Variants in ZNF883 observed in about 807,000 individuals in gnomAD.
ZNF883 encodes zinc finger protein 883.
intron 2 of ZNF883, among the ~76,000 whole-genome samples, chr9:113,006,990 TCAAGAC>T (rs1382273923): frequency 1.3e-5 from 2 of 152,040 alleles, no homozygotes; most frequent in Non-Finnish European, 2.9e-5. Context: ...GGTCAGGAGT[TCAAGAC>T]CAGCCTGTGC....
intron 2 of ZNF883, among the ~76,000 whole-genome samples, chr9:113,004,977 AAAT>A (rs746144690): frequency 2.0e-5 from 3 of 152,060 alleles, no homozygotes; most frequent in Non-Finnish European, 4.4e-5. Context: ...AAAATTTAAT[AAAT>A]AATCTTAGGA....
intron 2 of ZNF883, among the ~76,000 whole-genome samples, chr9:113,006,167 A>G (rs1371298151): frequency 6.6e-6 from 1 of 151,880 alleles, no homozygotes; most frequent in Admixed American, 6.6e-5. Context: ...TTCCCTGCTC[A>G]TTATACACTA....
downstream of ZNF883, chr9:112,997,069 G>A (rs1828365724): frequency 2.0e-6 from 3 of 1,479,736 alleles, no homozygotes; most frequent in South Asian, 4.2e-5. Context: ...AACTGTGAGT[G>A]CTCAGGTGTA....
downstream of ZNF883, among the ~76,000 whole-genome samples, chr9:112,993,404 A>T (rs1263326659): frequency 6.6e-6 from 1 of 152,214 alleles, no homozygotes; most frequent in Non-Finnish European, 1.5e-5. Flanking sequence ...GAAAATAGCA[A>T]AGATGGCTGC....
intron 2 of ZNF883, among the ~76,000 whole-genome samples, chr9:113,008,098 TA>T (rs1828496448): frequency 6.6e-6 from 1 of 152,210 alleles, no homozygotes; most frequent in African/African-American, 2.4e-5. Flanking sequence ...ATTAAAATTT[TA>T]ATGATTATCA....
At chr9:113,011,762 T>C (rs1432338852) in intron 1 of ZNF883, among the ~76,000 whole-genome samples, 1 of 152,144 alleles carries the variant, frequency 6.6e-6, no homozygotes, top group Non-Finnish European at 1.5e-5. Context: ...TTCCCAGGTC[T>C]ACCTACCACC....
chr9:113,004,321 A>G (rs547611777), intron 2 of ZNF883, among the ~76,000 whole-genome samples: 92 of 152,336 alleles, frequency 6.0e-4, no homozygotes, highest in Middle Eastern at 3.4e-3. Context: ...AAGTTACCCA[A>G]TTTGTGGCAC....
chr9:113,006,898 T>TA (rs202002384), intron 2 of ZNF883, among the ~76,000 whole-genome samples: 28,142 of 151,026 alleles, frequency 0.19, 3,300 homozygotes, highest in East Asian at 0.37. Context: ...GGTAATTTTT[T>TA]AAAAAAAAAA....
downstream of ZNF883, among the ~76,000 whole-genome samples, chr9:112,992,602 T>C (rs1828313168): frequency 6.6e-6 from 1 of 152,224 alleles, no homozygotes; most frequent in South Asian, 2.1e-4. Flanking sequence ...TTCTCTGGAC[T>C]TCCTGAATAA....
At chr9:113,011,613 G>T (rs1828540112) in intron 1 of ZNF883, among the ~76,000 whole-genome samples, 1 of 152,210 alleles carries the variant, frequency 6.6e-6, no homozygotes, top group Non-Finnish European at 1.5e-5. Flanking sequence ...TTATAGAAGA[G>T]ACTTCAGAAA....
chr9:112,999,890 A>C (rs1386250456), upstream of ZNF883: 4 of 152,124 alleles, frequency 2.6e-5, no homozygotes, highest in African/African-American at 9.7e-5. Flanking sequence ...TCCTTCCCAG[A>C]GGTTAGTTGG....
chr9:112,989,232 A>G (rs1039625741), intron 1 of ZNF883, among the ~76,000 whole-genome samples: 1 of 151,968 alleles, frequency 6.6e-6, no homozygotes, highest in Non-Finnish European at 1.5e-5. Context: ...TATTGCCTAT[A>G]TTTTCTTCTA....
chr9:113,008,858 T>A (rs1294749657), intron 2 of ZNF883, among the ~76,000 whole-genome samples: 1 of 151,970 alleles, frequency 6.6e-6, no homozygotes, highest in Non-Finnish European at 1.5e-5. Flanking sequence ...ATGGGAATAC[T>A]TCCTGGAAGG....
At chr9:112,996,974 T>A, downstream of ZNF883, 5 of 676,824 alleles carry the variant, frequency 7.4e-6, no homozygotes, top group Non-Finnish European at 1.1e-5. Flanking sequence ...ATAAGCATAG[T>A]CCTTCTTCTC....
chr9:113,004,941 CA>C (rs1371758756), intron 2 of ZNF883, among the ~76,000 whole-genome samples: 1 of 151,732 alleles, frequency 6.6e-6, no homozygotes, highest in Non-Finnish European at 1.5e-5. Flanking sequence ...ATAAAGGTAG[CA>C]TTTCAAATTA....
chr9:113,010,390 G>T (rs952935471), intron 2 of ZNF883, among the ~76,000 whole-genome samples: 1 of 152,190 alleles, frequency 6.6e-6, no homozygotes, highest in African/African-American at 2.4e-5. Context: ...TCTCGTAAGT[G>T]AGCATCTTGC....
chr9:113,007,655 C>A (rs1488179558), intron 2 of ZNF883, among the ~76,000 whole-genome samples: 2 of 152,126 alleles, frequency 1.3e-5, no homozygotes, highest in Non-Finnish European at 1.5e-5. Flanking sequence ...AAAATAAAAA[C>A]GAGTGCCAGA....
At chr9:113,004,402 ATGTT>A (rs1356393400) in intron 2 of ZNF883, among the ~76,000 whole-genome samples, 2 of 152,182 alleles carry the variant, frequency 1.3e-5, no homozygotes, top group African/African-American at 2.4e-5. Context: ...TAAGAACTAA[ATGTT>A]TGTGTCCTCT....
rs575473956 is a variant in ZNF883 at position 112,998,230 on chromosome 9, C to T, written n.30G>A. 3.6e-4 allele frequency: 570 copies of T among 1,600,162 alleles called. 2 individuals are homozygous for T. The highest frequency in any genetic ancestry group is 4.2e-4 in the Non-Finnish European group (499 of 1,174,176). On this transcript the variant is annotated non_coding_transcript_exon_variant, in exon 1 of 1. Transcript: ENST00000639662. ...CACATTCAGTACAGAGATATGGGTT[C>T]GCGGTCATATAAATTTTCTCAGATT...
Sources: gnomAD v4.1 joint callset for allele counts (sites outside exome capture counted in the v4.1 genomes callset) on GRCh38, gnomAD v4.1.1 for gene constraint, MANE v1.5 for transcripts, NCBI Gene and HGNC (gene_info 2026-07-23, HGNC 2026-07-21) for gene names.